ZNF208: variants seen among roughly 807,000 people sequenced by gnomAD.
ZNF208 encodes the protein zinc finger protein 95.
In ZNF208, 10 loss-of-function variants were observed where a neutral mutation model predicts 12.1. The ratio of observed to expected loss-of-function variants is 0.83; its 90% CI spans 0.51 to 1.40. The LOEUF is 1.40. ZNF208 is among the 40% of genes most tolerant of loss of function. The probability of loss-of-function intolerance (pLI) is 0.00; values close to 1 mark genes in which losing one functional copy is unlikely to be tolerated. For synonymous variants in ZNF208, 497 were observed against 488.4 expected (o/e 1.02, Z -0.23); for missense variants, 1,652 against 1,485.0 (o/e 1.11, Z -1.85).
chr19:21,973,762 G>C lies in ZNF208; in HGVS notation c.1272C>G (p.Pro424=), dbSNP rs775709281. 1 of 1,605,990 alleles carries C rather than the reference G, an allele frequency of 6.2e-7. No individual in the cohort carries two copies. Among genetic ancestry groups the C allele is most frequent in the African/African-American group, 1.3e-5 (1 of 74,668 alleles). The part of the protein sequence containing the change: ...KHEVIHTGEK[P]YKCEECGKAF... ...CTTTGCCACATTCTTCACATTTGTA[G>C]GGTTTCTCTCCAGTATGAATGACCT... The change falls in exon 4 of 4, where the codon CCC becomes CCG. Residue 424 remains proline, a synonymous_variant. Transcript: ENST00000397126.
At chr19:21,953,529 G>A (rs1362222901) in intron 4 of ZNF208, among the ~76,000 whole-genome samples, 1 of 152,114 alleles carries the variant, frequency 6.6e-6, no homozygotes, top group Non-Finnish European at 1.5e-5. Context: ...AGGAAAGAAT[G>A]TCAACCCAGA....
rs1251314709 is a variant in ZNF208, at chr19:21,969,724, A to T, written c.*1467T>A. Among the ~76,000 whole-genome samples the T allele has an allele frequency of 1.4e-5, 2 of 145,014 alleles. No homozygotes were observed. Among genetic ancestry groups the T allele is most frequent in the African/African-American group, 4.9e-5 (2 of 40,956 alleles). On this transcript the variant is annotated 3_prime_UTR_variant, in exon 4 of 4. Coordinates refer to ENST00000397126, the MANE Select transcript of ZNF208 (RefSeq NM_007153.3). ...TGTGTACAATAAAATCTGTGATACA[A>T]GTACATGTACTACAACCCTCTTAAT...
chr19:21,990,393 T>C (rs989492715), intron 1 of ZNF208, among the ~76,000 whole-genome samples: 2 of 152,204 alleles, frequency 1.3e-5, no homozygotes, highest in African/African-American at 4.8e-5. Flanking sequence ...CAGATAGTTG[T>C]AGATATCCAG....
At chr19:21,942,532 C>G (rs1275881739) in intron 4 of ZNF208, among the ~76,000 whole-genome samples, 1 of 152,148 alleles carries the variant, frequency 6.6e-6, no homozygotes, top group Non-Finnish European at 1.5e-5. Flanking sequence ...TTTAAAAATT[C>G]TGTCTTCAAT....
chr19:21,988,984 G>A, intron 1 of ZNF208, 75 bp from the exon 2 acceptor site: 1 of 1,571,554 alleles, frequency 6.4e-7, no homozygotes, highest in Non-Finnish European at 8.6e-7. Flanking sequence ...GTAAAATGCA[G>A]AGAGTAAAGA....
At chr19:21,979,567 T>C (rs1970497585) in intron 3 of ZNF208, among the ~76,000 whole-genome samples, 1 of 152,088 alleles carries the variant, frequency 6.6e-6, no homozygotes, top group Non-Finnish European at 1.5e-5. Context: ...TTACAAGAGC[T>C]CCTGAAGGAA....
chr19:21,987,074 G>T, intron 3 of ZNF208, 142 bp downstream of exon 3: 1 of 820,600 alleles, frequency 1.2e-6, no homozygotes, highest in Non-Finnish European at 1.8e-6. Context: ...CTGTGTGAGA[G>T]AAAATTAAAG....
chr19:21,962,471 A>G (rs1443548188), downstream of ZNF208, among the ~76,000 whole-genome samples: 1 of 152,154 alleles, frequency 6.6e-6, no homozygotes, highest in Non-Finnish European at 1.5e-5. Flanking sequence ...TTTTAAATAT[A>G]TATTCTGCTC....
intron 4 of ZNF208, among the ~76,000 whole-genome samples, chr19:21,954,287 G>A (rs1361978935): frequency 6.6e-6 from 1 of 152,178 alleles, no homozygotes; most frequent in Non-Finnish European, 1.5e-5. Context: ...GTGTGATGTG[G>A]TGCTGAGAAG....
intron 4 of ZNF208, among the ~76,000 whole-genome samples, chr19:21,956,728 C>G (rs947806265): frequency 6.6e-6 from 1 of 152,202 alleles, no homozygotes; most frequent in African/African-American, 2.4e-5. Context: ...TTTCCAGGTA[C>G]AGTCTGTCAC....
chr19:21,991,056 G>T (rs1970724859), intron 1 of ZNF208, among the ~76,000 whole-genome samples: 1 of 152,168 alleles, frequency 6.6e-6, no homozygotes, highest in Non-Finnish European at 1.5e-5. Flanking sequence ...TGCAAACAGG[G>T]ACAATTTGAC....
At chr19:21,961,058 C>A (rs1970058943) in intron 4 of ZNF208, among the ~76,000 whole-genome samples, 1 of 152,198 alleles carries the variant, frequency 6.6e-6, no homozygotes, top group African/African-American at 2.4e-5. Context: ...TTCACCACTC[C>A]TTTTGTAGAT....
intron 3 of ZNF208, among the ~76,000 whole-genome samples, chr19:21,975,851 A>AAAAAAAAAAAAAAAAAAAAAAAAAAAAG (rs377638519): frequency 2.2e-5 from 2 of 91,870 alleles, no homozygotes; most frequent in African/African-American, 9.1e-5. Context: ...AAAAAAAAAA[A>AAAAAAAAAAAAAAAAAAAAAAAAAAAAG]GCTATCAAGT....
rs570472709 is a variant in ZNF208 at position 21,948,283 on chromosome 19, C to T, written c.306-15046G>A. 4.6e-5 allele frequency among the ~76,000 whole-genome samples: 7 copies of T among 152,332 alleles called. 1 individual carries two copies. The South Asian group carries it at 1.2e-3, about 27-fold the overall frequency. Reference sequence around the variant, plus strand: ...GCCATCTTAGAGACAGGAGGCCTGGCTTTCTAAGGGAAGTATTAATTTCAA... The same window carrying T: ...GCCATCTTAGAGACAGGAGGCCTGGTTTTCTAAGGGAAGTATTAATTTCAA... On this transcript the variant is annotated intron_variant, in intron 4 of 4. Transcript: ENST00000599916.
chr19:21,964,735 CCATT>C (rs1361140606), downstream of ZNF208, among the ~76,000 whole-genome samples: 1 of 151,678 alleles, frequency 6.6e-6, no homozygotes, highest in Admixed American at 6.6e-5. Context: ...ACATCATCAT[CCATT>C]GAGTGGTCTA....
intron 3 of ZNF208, among the ~76,000 whole-genome samples, chr19:21,975,023 G>T (rs1970403075): frequency 6.6e-6 from 1 of 152,100 alleles, no homozygotes; most frequent in Non-Finnish European, 1.5e-5. Context: ...TGTGTGCAGT[G>T]CCTGAATTAA....
chr19:21,994,681 T>C (rs1970798329), intron 1 of ZNF208, among the ~76,000 whole-genome samples: 1 of 152,160 alleles, frequency 6.6e-6, no homozygotes, highest in African/African-American at 2.4e-5. Flanking sequence ...TAAGGTTTTC[T>C]AGAATAATTT....
At chr19:22,002,322 T>C (rs1249397722) in intron 1 of ZNF208, among the ~76,000 whole-genome samples, 7 of 152,120 alleles carry the variant, frequency 4.6e-5, no homozygotes, top group Non-Finnish European at 8.8e-5. Context: ...CTATATTCAA[T>C]ATAAAATTGG....
intron 3 of ZNF208, chr19:21,986,937 A>G (rs1970637297): frequency 2.4e-6 from 1 of 417,782 alleles, no homozygotes; most frequent in African/African-American, 2.1e-5. Flanking sequence ...ACAAACAAAC[A>G]AAAAGATTGT....
Sources: allele counts gnomAD v4.1 joint callset (sites outside exome capture counted in the v4.1 genomes callset), GRCh38; gene constraint gnomAD v4.1.1; transcripts MANE v1.5; gene names NCBI Gene and HGNC (gene_info 2026-07-23, HGNC 2026-07-21).